The following THRB variants were observed in gnomAD, a reference collection of about 807,000 sequenced individuals.
THRB encodes the protein nuclear receptor subfamily 1 group A member 2.
In THRB, 12 loss-of-function variants were observed where a neutral mutation model predicts 47.8. The ratio of observed to expected loss-of-function variants is 0.25; its 90% CI spans 0.16 to 0.41. The LOEUF is 0.41. Among genes scored for constraint, THRB ranks in the 10% least tolerant of loss-of-function variants. The pLI is 1.00. For synonymous variants in THRB, 218 were observed against 212.2 expected (o/e 1.03, Z -0.24); for missense variants, 348 against 589.2 (o/e 0.59, Z 4.24).
At chr3:24,196,795 A>G (rs2044005002) in intron 4 of THRB, among the ~76,000 whole-genome samples, 1 of 152,218 alleles carries the variant, frequency 6.6e-6, no homozygotes, top group African/African-American at 2.4e-5. Context: ...TGGTGAAGTG[A>G]GCATTTCCTG....
intron 4 of THRB, among the ~76,000 whole-genome samples, chr3:24,203,584 G>T (rs913448423): frequency 6.6e-6 from 1 of 152,136 alleles, no homozygotes; most frequent in Non-Finnish European, 1.5e-5. Context: ...CATGAGCGAC[G>T]CAGAAGATGG....
At chr3:24,236,365 G>C (rs151243846) in intron 3 of THRB, among the ~76,000 whole-genome samples, 1 of 152,260 alleles carries the variant, frequency 6.6e-6, no homozygotes, top group East Asian at 1.9e-4. Flanking sequence ...GCCCTCTCAG[G>C]ATTATGCTGA....
intron 1 of THRB, among the ~76,000 whole-genome samples, chr3:24,468,377 A>G (rs562245187): frequency 2.4e-4 from 37 of 152,196 alleles, no homozygotes; most frequent in Non-Finnish European, 4.3e-4. Flanking sequence ...CTTTGCATGT[A>G]CAATTTGGCT....
At chr3:24,229,757 T>C (rs1419032701) in intron 3 of THRB, among the ~76,000 whole-genome samples, 1 of 152,184 alleles carries the variant, frequency 6.6e-6, no homozygotes, top group Non-Finnish European at 1.5e-5. Flanking sequence ...CTTCAGCATA[T>C]TGCCGGAGAC....
chr3:24,493,060 T>C (rs1385756107), intron 1 of THRB, among the ~76,000 whole-genome samples: 1 of 152,218 alleles, frequency 6.6e-6, no homozygotes, highest in Admixed American at 6.5e-5. Flanking sequence ...CCAATGTCTT[T>C]GTATAAAACA....
chr3:24,219,568 C>T (rs896720915), intron 4 of THRB, among the ~76,000 whole-genome samples: 6 of 152,186 alleles, frequency 3.9e-5, no homozygotes, highest in Non-Finnish European at 7.3e-5. Context: ...TAACAACAGA[C>T]ACCTACACAG....
In THRB at chr3:24,473,637, C is replaced by A. The variant is rs147675166; in HGVS notation, c.-261+21015G>T. 9.8e-3 allele frequency among the ~76,000 whole-genome samples: 1,497 copies of A among 152,278 alleles called. 28 individuals are homozygous for A. The highest frequency in any genetic ancestry group is 0.033 in the African/African-American group (1,352 of 41,542). On this transcript the variant is annotated intron_variant, in intron 1 of 10. Coordinates refer to ENST00000646209, the MANE Select transcript of THRB (RefSeq NM_001354712.2). The stretch of plus-strand genomic sequence containing the variant: ...TCATTCTACTGTAAAGACACATGCA[C>A]ACATATGTTTATTGCAGCACTATTC...
At chr3:24,469,806 G>A (rs528778611) in intron 1 of THRB, among the ~76,000 whole-genome samples, 1 of 152,276 alleles carries the variant, frequency 6.6e-6, no homozygotes, top group African/African-American at 2.4e-5. Flanking sequence ...AAAACCGTTT[G>A]GGTAACTTAT....
At chr3:24,493,664 CTCTT>C (rs752412320) in intron 1 of THRB, among the ~76,000 whole-genome samples, 3 of 152,322 alleles carry the variant, frequency 2.0e-5, no homozygotes, top group South Asian at 4.1e-4. Context: ...TTCATGCAAA[CTCTT>C]TCCTTTCTTT....
intron 2 of THRB, among the ~76,000 whole-genome samples, chr3:24,330,032 G>A (rs1403300095): frequency 2.0e-5 from 3 of 152,198 alleles, no homozygotes; most frequent in South Asian, 2.1e-4. Flanking sequence ...TCGGCCAGGC[G>A]CGGTGGCTCA....
chr3:24,357,552 T>C (rs2063776740), intron 1 of THRB, among the ~76,000 whole-genome samples: 1 of 152,002 alleles, frequency 6.6e-6, no homozygotes, highest in Non-Finnish European at 1.5e-5. Flanking sequence ...GTTCCTGGCA[T>C]ACACATACAT....
intron 1 of THRB, among the ~76,000 whole-genome samples, chr3:24,452,264 A>G (rs2072737398): frequency 6.6e-6 from 1 of 152,170 alleles, no homozygotes; most frequent in Non-Finnish European, 1.5e-5. Flanking sequence ...AAAGTAGTGC[A>G]TTAAAATAAT....
At chr3:24,158,756 A>G (rs2038296396) in intron 5 of THRB, among the ~76,000 whole-genome samples, 1 of 152,150 alleles carries the variant, frequency 6.6e-6, no homozygotes, top group Non-Finnish European at 1.5e-5. Context: ...CATGGAAGTG[A>G]GAAGTATTCT....
chr3:24,146,029 G>T (rs2149029523), intron 7 of THRB, among the ~76,000 whole-genome samples: 1 of 152,180 alleles, frequency 6.6e-6, no homozygotes, highest in African/African-American at 2.4e-5. Flanking sequence ...AGACCCCAAG[G>T]GCTAATCTCG....
chr3:24,348,324 T>C (rs2063150098), intron 1 of THRB, among the ~76,000 whole-genome samples: 1 of 152,100 alleles, frequency 6.6e-6, no homozygotes, highest in African/African-American at 2.4e-5. Context: ...AGCCCTACAA[T>C]AGATTGTGAA....
chr3:24,457,667 T>C (rs930533771), intron 1 of THRB, among the ~76,000 whole-genome samples: 4 of 152,204 alleles, frequency 2.6e-5, no homozygotes, highest in African/African-American at 9.6e-5. Flanking sequence ...CAGAGTGCTT[T>C]CATCTTTCCT....
chr3:24,217,520 G>GA (rs2046695572), intron 4 of THRB, among the ~76,000 whole-genome samples: 1 of 150,950 alleles, frequency 6.6e-6, no homozygotes, highest in South Asian at 2.1e-4. Context: ...GGGTTCAAGG[G>GA]ACGTGTGTGT....
chr3:24,434,106 T>C (rs2070711712), intron 1 of THRB, among the ~76,000 whole-genome samples: 1 of 152,124 alleles, frequency 6.6e-6, no homozygotes, highest in Non-Finnish European at 1.5e-5. Context: ...ATCTTTACTT[T>C]GGGCACTGAT....
chr3:24,455,941 AG>A (rs1274919738), intron 1 of THRB, among the ~76,000 whole-genome samples: 3 of 152,228 alleles, frequency 2.0e-5, no homozygotes, highest in Non-Finnish European at 4.4e-5. Flanking sequence ...GCATTTTATC[AG>A]CTGCTTCACT....
Sources: allele counts gnomAD v4.1 joint callset (sites outside exome capture counted in the v4.1 genomes callset), GRCh38; gene constraint gnomAD v4.1.1; transcripts MANE v1.5; gene names NCBI Gene and HGNC (gene_info 2026-07-23, HGNC 2026-07-21).